GPHN: variants seen among roughly 807,000 people sequenced by gnomAD.
The protein encoded by GPHN is gephyrin.
A neutral mutation model predicts 95.5 loss-of-function variants in GPHN; 17 were observed. That is an observed-to-expected ratio of 0.18 (90% CI 0.12 to 0.27). The LOEUF (loss-of-function observed/expected upper bound fraction) is 0.27. Among genes scored for constraint, GPHN ranks in the 10% least tolerant of loss-of-function variants. The probability of loss-of-function intolerance (pLI) is 1.00; values close to 1 mark genes in which losing one functional copy is unlikely to be tolerated. For synonymous variants in GPHN, 320 were observed against 322.5 expected (o/e 0.99, Z 0.08); for missense variants, 660 against 978.1 (o/e 0.67, Z 4.34).
intron 1 of GPHN, among the ~76,000 whole-genome samples, chr14:66,568,147 C>T (rs2060537085): frequency 6.6e-6 from 1 of 152,044 alleles, no homozygotes; most frequent in African/African-American, 2.4e-5. Flanking sequence ...ATTTATTTTT[C>T]ATTAGTGGTG....
chr14:67,144,706 G>T (rs1002705074), intron 18 of GPHN, among the ~76,000 whole-genome samples: 7 of 152,052 alleles, frequency 4.6e-5, no homozygotes, highest in African/African-American at 1.7e-4. Flanking sequence ...CTATAAAACT[G>T]CCTAAATTTA....
the GPHN span, among the ~76,000 whole-genome samples, chr14:67,202,625 G>A: frequency 1.5e-3 from 228 of 152,222 alleles, 3 homozygotes; most frequent in East Asian, 0.032. Context: ...TTGGCTCTAT[G>A]GAATTTAAAC....
the GPHN span, among the ~76,000 whole-genome samples, chr14:67,476,183 C>T: frequency 2.6e-5 from 4 of 152,230 alleles, no homozygotes; most frequent in African/African-American, 9.6e-5. Context: ...GGAATTCCAG[C>T]CTCACATTTC....
At chr14:66,616,644 T>A (rs1480427136) in intron 1 of GPHN, among the ~76,000 whole-genome samples, 1 of 152,016 alleles carries the variant, frequency 6.6e-6, no homozygotes, top group African/African-American at 2.4e-5. Context: ...GTAGGATTGC[T>A]CCTGTATAGG....
chr14:67,642,802 T>TTTTTTC, the GPHN span, among the ~76,000 whole-genome samples: 8 of 124,678 alleles, frequency 6.4e-5, no homozygotes, highest in African/African-American at 2.5e-4. Flanking sequence ...TCTTTTTTTT[T>TTTTTTC]TTTTTTTTTT....
the GPHN span, among the ~76,000 whole-genome samples, chr14:67,234,335 T>C: frequency 6.6e-6 from 1 of 151,798 alleles, no homozygotes; most frequent in Non-Finnish European, 1.5e-5. Context: ...AAGGAGGAGG[T>C]TCCAGTGAGT....
At chr14:66,667,898 A>G (rs944444816) in intron 1 of GPHN, among the ~76,000 whole-genome samples, 1 of 152,250 alleles carries the variant, frequency 6.6e-6, no homozygotes, top group African/African-American at 2.4e-5. Flanking sequence ...TGCATCTGAC[A>G]AAGGTCTAAT....
chr14:67,518,159 AAC>A, the GPHN span, among the ~76,000 whole-genome samples: 1 of 152,206 alleles, frequency 6.6e-6, no homozygotes, highest in African/African-American at 2.4e-5. Flanking sequence ...CTGCTGCACT[AAC>A]ACACACCAAA....
At chr14:67,417,678 G>T in the GPHN span, among the ~76,000 whole-genome samples, 1 of 152,082 alleles carries the variant, frequency 6.6e-6, no homozygotes, top group Non-Finnish European at 1.5e-5. Flanking sequence ...TGAGCCTCCT[G>T]CCTTGGCCTC....
the GPHN span, among the ~76,000 whole-genome samples, chr14:67,401,933 G>A: frequency 1.3e-5 from 2 of 152,102 alleles, no homozygotes; most frequent in African/African-American, 4.8e-5. Context: ...GAGTTCGAGA[G>A]CAGTCTGGCC....
At chr14:67,639,965 G>T in the GPHN span, among the ~76,000 whole-genome samples, 1 of 150,074 alleles carries the variant, frequency 6.7e-6, no homozygotes, top group African/African-American at 2.4e-5. Flanking sequence ...TGCAGTCCAG[G>T]ATTGTGTTGT....
At chr14:67,448,305 A>AT in the GPHN span, among the ~76,000 whole-genome samples, 4 of 150,360 alleles carry the variant, frequency 2.7e-5, no homozygotes, top group Admixed American at 6.6e-5. Context: ...TGCCTGGCTA[A>AT]TTTTTTTTGT....
At position 66,841,501 on chromosome 14, in the gene GPHN, T is replaced by C. The variant is rs541481074; in HGVS notation, c.294+16935T>C. 3.3e-5 allele frequency among the ~76,000 whole-genome samples: 5 copies of C among 152,198 alleles called. No individual in the cohort carries two copies. In the South Asian group the frequency reaches 1.0e-3, roughly 32 times the overall value. On this transcript the variant is annotated intron_variant, in intron 4 of 22. Transcript: ENST00000478722. Reference sequence around the variant, plus strand: ...AGACCAATGATAGAGGTGGAGGTAGTGAGAAGTAGATTACTGATATATTTT... The same window carrying C: ...AGACCAATGATAGAGGTGGAGGTAGCGAGAAGTAGATTACTGATATATTTT...
At chr14:66,996,365 C>A in intron 9 of GPHN, 1 of 628,086 alleles carries the variant, frequency 1.6e-6, no homozygotes, top group Non-Finnish European at 2.8e-6. Flanking sequence ...GGGGAAAATT[C>A]ACCTGTTTTA....
intron 16 of GPHN, among the ~76,000 whole-genome samples, chr14:67,117,103 T>C (rs980937714): frequency 2.0e-5 from 3 of 152,232 alleles, no homozygotes; most frequent in Admixed American, 6.5e-5. Flanking sequence ...ACCACAAATA[T>C]GTAAAGAGTT....
chr14:67,529,247 C>T, the GPHN span, among the ~76,000 whole-genome samples: 1 of 152,170 alleles, frequency 6.6e-6, no homozygotes, highest in African/African-American at 2.4e-5. Context: ...CTCTCTGGCT[C>T]CCATACCCAC....
At chr14:67,188,910 C>G in the GPHN span, among the ~76,000 whole-genome samples, 1 of 151,492 alleles carries the variant, frequency 6.6e-6, no homozygotes, top group Non-Finnish European at 1.5e-5. Flanking sequence ...AGGTTGGTCT[C>G]AAACTCTTGG....
At chr14:67,177,515 G>T (rs1228325380) in intron 21 of GPHN, among the ~76,000 whole-genome samples, 4 of 152,170 alleles carry the variant, frequency 2.6e-5, no homozygotes, top group Admixed American at 2.0e-4. Flanking sequence ...GTCAATTTTA[G>T]AATCAGTGCG....
At chr14:66,620,679 C>A (rs974605041) in intron 1 of GPHN, among the ~76,000 whole-genome samples, 35 of 152,234 alleles carry the variant, frequency 2.3e-4, no homozygotes, top group Admixed American at 2.2e-3. Context: ...TCTGACCGCT[C>A]TCAAATCTCA....
Sources: gnomAD v4.1 joint callset for allele counts (sites outside exome capture counted in the v4.1 genomes callset) on GRCh38, gnomAD v4.1.1 for gene constraint, MANE v1.5 for transcripts, NCBI Gene and HGNC (gene_info 2026-07-23, HGNC 2026-07-21) for gene names.